UAP1: variants seen among roughly 807,000 people sequenced by gnomAD.
UAP1 encodes UDP-N-acetylhexosamine pyrophosphorylase.
In UAP1, 25 loss-of-function variants were observed where a neutral mutation model predicts 58.5. That is an observed-to-expected ratio of 0.43 (90% CI 0.31 to 0.60). The LOEUF (loss-of-function observed/expected upper bound fraction) is 0.60. UAP1 is among the 20% of genes least tolerant of loss of function. The pLI, the probability that UAP1 is intolerant of heterozygous loss-of-function variation, is 0.11. For missense variants in UAP1, 575 were observed against 630.0 expected, an observed-to-expected ratio of 0.91 and a Z score of 0.93; for synonymous variants, 208 against 213.0, an observed-to-expected ratio of 0.98 and a Z score of 0.21.
At chr1:162,563,498 G>T (rs1035115183) in intron 1 of UAP1, among the ~76,000 whole-genome samples, 1 of 152,090 alleles carries the variant, frequency 6.6e-6, no homozygotes, top group Non-Finnish European at 1.5e-5. Flanking sequence ...CTGAGTAGCT[G>T]GGACTACAGG....
rs373150621 is a variant in UAP1, at chr1:162,591,481, TTTTG to T, written c.1358+986_1358+989del. ...AAGTACTTTTCAGCTAAATCTGTTT[TTTTG>T]TTTGTTTGTTTGTTTTTTGGAGACA... On this transcript the variant is annotated intron_variant, in intron 8 of 10. Coordinates refer to ENST00000271469, the Ensembl canonical transcript of UAP1. Among the ~76,000 whole-genome samples the T allele has an allele frequency of 2.2e-3, 329 of 152,248 alleles. 6 individuals are homozygous for T. In the East Asian group the frequency reaches 0.05, roughly 23 times the overall value.
intron 6 of UAP1, among the ~76,000 whole-genome samples, chr1:162,588,371 C>T (rs945050768): frequency 6.6e-6 from 1 of 152,150 alleles, no homozygotes; most frequent in Admixed American, 6.6e-5. Context: ...CCATTTGTAG[C>T]TGTGTTACTG....
intron 10 of UAP1, among the ~76,000 whole-genome samples, chr1:162,598,889 GC>G (rs1165086054): frequency 6.6e-6 from 1 of 151,866 alleles, no homozygotes; most frequent in African/African-American, 2.4e-5. Flanking sequence ...GATGGCAGGC[GC>G]CTGTAGTTCC....
chr1:162,569,945 C>G (rs778434366), intron 2 of UAP1, among the ~76,000 whole-genome samples: 2 of 151,974 alleles, frequency 1.3e-5, no homozygotes, highest in African/African-American at 4.8e-5. Context: ...GTCAGGAGAT[C>G]GAGACCATCC....
intron 5 of UAP1, among the ~76,000 whole-genome samples, chr1:162,582,805 A>G (rs761903722): frequency 5.3e-5 from 8 of 152,234 alleles, no homozygotes; most frequent in Non-Finnish European, 1.2e-4. Flanking sequence ...AAGTTAATCT[A>G]GAAATTTTAT....
At position 162,585,679 on chromosome 1, in the gene UAP1, G is replaced by A. The variant is rs571283308; in HGVS notation, c.835-1796G>A. On this transcript the variant is annotated intron_variant, in intron 5 of 10. Transcript: ENST00000271469. ...TTAGAGGTTAATAGTTGCCATAGAA[G>A]TAAACCTTTGGGAAATGTAAAATGT... Among the ~76,000 whole-genome samples the A allele has an allele frequency of 3.9e-5, 6 of 152,204 alleles. No homozygotes were observed. In the East Asian group the frequency reaches 7.7e-4, roughly 20 times the overall value.
intron 2 of UAP1, among the ~76,000 whole-genome samples, chr1:162,570,403 C>T (rs1571057560): frequency 6.6e-6 from 1 of 152,018 alleles, no homozygotes; most frequent in Admixed American, 6.6e-5. Context: ...ATAGTGAACC[C>T]CCACATAAGC....
chr1:162,584,563 G>A (rs559897731), intron 5 of UAP1, among the ~76,000 whole-genome samples: 1 of 152,284 alleles, frequency 6.6e-6, no homozygotes, highest in East Asian at 1.9e-4. Flanking sequence ...CTTCACTGCA[G>A]CCTCGACCTC....
chr1:162,588,817 A>AT lies in UAP1; in HGVS notation c.1154dup (p.Phe386LeufsTer11), dbSNP rs1557977057. On this transcript the variant is annotated frameshift_variant, in exon 7 of 11. Transcript: ENST00000271469. LOFTEE classifies it high-confidence loss of function. ...AAAGATGGAAAAATTTGTCTTTGAC[A>AT]TCTTCCAGTTTGCAAAGTATGCTTT... is the stretch of plus-strand genomic sequence containing the variant. 1.9e-6 allele frequency: 3 copies of AT among 1,611,872 alleles called. No individual in the cohort carries two copies. In the African/African-American group the frequency reaches 4.0e-5, roughly 22 times the overall value.
chr1:162,579,191 G>A (rs563328623), intron 3 of UAP1, among the ~76,000 whole-genome samples: 3 of 152,186 alleles, frequency 2.0e-5, no homozygotes, highest in Non-Finnish European at 4.4e-5. Flanking sequence ...GGTGTGTTTA[G>A]TATGTTTAAT....
At chr1:162,592,669 CCATTT>C in intron 8 of UAP1, 58 bp from the exon 9 acceptor site, 12 of 1,303,390 alleles carry the variant, frequency 9.2e-6, no homozygotes, top group Non-Finnish European at 1.3e-5. Context: ...TTTTGCAACT[CCATTT>C]CATTGTTATT....
At chr1:162,587,649 T>C in exon 6 of UAP1, 1 of 1,613,100 alleles carries the variant, frequency 6.2e-7, no homozygotes, top group Non-Finnish European at 8.5e-7. Flanking sequence ...CACTGTACCA[T>C]TTCTGAGAGA....
intron 5 of UAP1, among the ~76,000 whole-genome samples, chr1:162,582,557 C>G (rs1654653911): frequency 6.6e-6 from 1 of 152,108 alleles, no homozygotes; most frequent in South Asian, 2.1e-4. Flanking sequence ...TAAGATCTCT[C>G]TGTCAAAGCT....
chr1:162,588,625 A>G (rs2101815766), intron 6 of UAP1, 68 bp from the exon 7 acceptor site: 1 of 1,532,550 alleles, frequency 6.5e-7, no homozygotes, highest in African/African-American at 1.4e-5. Context: ...TTGCTCCTGA[A>G]TGTTGTAAGA....
chr1:162,589,192 T>TAAAA (rs1207569380), intron 7 of UAP1, among the ~76,000 whole-genome samples: 34 of 68,124 alleles, frequency 5.0e-4, no homozygotes, highest in African/African-American at 1.6e-3. Context: ...ATAATATATA[T>TAAAA]TATATATTAT....
At chr1:162,590,732 T>C (rs961634642) in intron 8 of UAP1, among the ~76,000 whole-genome samples, 1 of 152,168 alleles carries the variant, frequency 6.6e-6, no homozygotes, top group African/African-American at 2.4e-5. Flanking sequence ...CTCTCTTTTT[T>C]TAATTTTTAT....
chr1:162,564,942 C>T (rs866288053), intron 1 of UAP1, among the ~76,000 whole-genome samples: 1 of 152,144 alleles, frequency 6.6e-6, no homozygotes, highest in South Asian at 2.1e-4. Flanking sequence ...GATTACGCCT[C>T]ATTGTAGCCT....
Position 162,583,330 on chromosome 1 carries a change from T to A in UAP1, c.834+1871T>A, listed in dbSNP as rs191308552. Among the ~76,000 whole-genome samples, 389 of 151,956 alleles carry A rather than the reference T, an allele frequency of 2.6e-3. 4 individuals carry two copies. Among genetic ancestry groups the A allele is most frequent in the Admixed American group, 0.021 (325 of 15,260 alleles). Reference sequence around the variant, plus strand: ...ACCAGGCCCAGATAATTTTTTTGTATTTTTAGTACAGACGGGGTTTCACTA... The same window carrying A: ...ACCAGGCCCAGATAATTTTTTTGTAATTTTAGTACAGACGGGGTTTCACTA... On this transcript the variant is annotated intron_variant, in intron 5 of 10. Coordinates refer to ENST00000271469, the Ensembl canonical transcript of UAP1.
At chr1:162,596,765 G>A (rs1377797948) in intron 9 of UAP1, among the ~76,000 whole-genome samples, 1 of 152,184 alleles carries the variant, frequency 6.6e-6, no homozygotes, top group Non-Finnish European at 1.5e-5. Flanking sequence ...CAAAGTTTGA[G>A]ACTACGTACT....
Sources: allele counts gnomAD v4.1 joint callset (sites outside exome capture counted in the v4.1 genomes callset), GRCh38; gene constraint gnomAD v4.1.1; transcripts MANE v1.5; gene names NCBI Gene and HGNC (gene_info 2026-07-23, HGNC 2026-07-21).